Variants in GSDME observed in about 807,000 individuals in gnomAD.
GSDME encodes the protein gasdermin-E.
GSDME carries 44 observed loss-of-function variants against 47.5 expected under a neutral mutation model. That is an observed-to-expected ratio of 0.93 (90% CI 0.73 to 1.19). The LOEUF (loss-of-function observed/expected upper bound fraction) is 1.19. Among genes scored for constraint, GSDME ranks in the 50% most tolerant of loss-of-function variants. The pLI, the probability that GSDME is intolerant of heterozygous loss-of-function variation, is 0.00. For missense variants in GSDME, 663 were observed against 604.2 expected, an observed-to-expected ratio of 1.10 and a Z score of -1.02; for synonymous variants, 258 against 252.8, an observed-to-expected ratio of 1.02 and a Z score of -0.20.
In GSDME at chr7:24,735,613, C is replaced by T. The variant is rs1457994693; in HGVS notation, c.404+8949G>A. On this transcript the variant is annotated intron_variant, in intron 3 of 9. Transcript: ENST00000645220. This position sits in a 1 kb window ranked among gnomAD's most constrained non-coding sequence, Gnocchi z 4.4. ...CTCTACTAAAAATACAAAAAAGTAGCCGGGCGTGGTGGTGGGCGCCTGTAA... is the reference window on the plus strand; with the variant it reads ...CTCTACTAAAAATACAAAAAAGTAGTCGGGCGTGGTGGTGGGCGCCTGTAA... 6.6e-6 allele frequency among the ~76,000 whole-genome samples: 1 copy of T among 151,896 alleles called. No individual in the cohort carries two copies. Among genetic ancestry groups the T allele is most frequent in the Non-Finnish European group, 1.5e-5 (1 of 67,944 alleles).
the GSDME span, among the ~76,000 whole-genome samples, chr7:24,793,711 C>A: frequency 3.3e-5 from 5 of 151,950 alleles, no homozygotes; most frequent in African/African-American, 4.8e-5. Context: ...TTTCTTTAAA[C>A]AACCAGTTAA....
rs374353052 is a variant in GSDME, at chr7:24,699,237, CCAT to C, written c.1277_1279del (p.Asp426del). On this transcript the variant is annotated inframe_deletion, in exon 10 of 10. Transcript: ENST00000645220. Reference sequence around the variant, plus strand: ...GGTTGGGTCTTCAAGATCAGATACTCCATCATCAGACAGAGCACGAAGCTGAAA... The same window carrying C: ...GGTTGGGTCTTCAAGATCAGATACTCCATCAGACAGAGCACGAAGCTGAAA... 476 of 1,613,480 alleles carry C rather than the reference CCAT, an allele frequency of 3.0e-4. 6 individuals carry two copies. The South Asian group carries it at 4.1e-3, about 14-fold the overall frequency.
the GSDME span, among the ~76,000 whole-genome samples, chr7:24,785,677 G>A: frequency 2.6e-5 from 4 of 152,114 alleles, no homozygotes; most frequent in Non-Finnish European, 4.4e-5. Flanking sequence ...GGATGGTCTC[G>A]ATCTCCTGAC....
At chr7:24,720,009 G>C (rs1789715571) in intron 3 of GSDME, among the ~76,000 whole-genome samples, 1 of 152,168 alleles carries the variant, frequency 6.6e-6, no homozygotes, top group African/African-American at 2.4e-5. Context: ...TAGCAAGAAG[G>C]AAATTAGATT....
rs1325571284 is a variant in GSDME, at chr7:24,757,080, T to G, written c.-20+316A>C. Among the ~76,000 whole-genome samples, 15 of 151,580 alleles carry G rather than the reference T, an allele frequency of 9.9e-5. No individual in the cohort carries two copies. Among genetic ancestry groups the G allele is most frequent in the Non-Finnish European group, 5.9e-5 (4 of 67,908 alleles). ...GAAAATACCAGCTGCGCTTCCAACA[T>G]CCAAGGAAGGAAGTGGCAGCGGGGA... On this transcript the variant is annotated intron_variant, in intron 1 of 9. Transcript: ENST00000645220. The surrounding 1 kb of genome is among the most constrained non-coding windows in gnomAD (Gnocchi z 5.9).
At position 24,699,203 on chromosome 7, in the gene GSDME, G is replaced by A. The variant is rs1291280528; in HGVS notation, c.1314C>T (p.Pro438=). ...VSDLEDPTLT[P]LKDTERFGIV... is the part of the protein sequence containing the mutation. ...TCCCAAACCTTTCTGTATCTTTCAGGGGAGTCAAGGTTGGGTCTTCAAGAT... is the reference window on the plus strand; with the variant it reads ...TCCCAAACCTTTCTGTATCTTTCAGAGGAGTCAAGGTTGGGTCTTCAAGAT... Residue 438 remains proline (P), a synonymous_variant, in exon 10 of 10, where the codon CCC becomes CCT. Transcript: ENST00000645220. The A allele has an allele frequency of 2.5e-6, 4 of 1,614,006 alleles. No homozygotes were observed. Among genetic ancestry groups the A allele is most frequent in the Non-Finnish European group, 3.4e-6 (4 of 1,180,028 alleles).
In GSDME at chr7:24,744,984, C is replaced by CGTGTGT. The variant is rs3038357; in HGVS notation, c.212-236_212-231dup. ...GGGCACACAGTGGACCAGTGCAGCA[C>CGTGTGT]GTGTGTGTGTGTGTGTGTGTGTGTG... On this transcript the variant is annotated intron_variant, in intron 2 of 9. Coordinates refer to ENST00000645220, the MANE Select transcript of GSDME (RefSeq NM_001127453.2). This position sits in a 1 kb window ranked among gnomAD's most constrained non-coding sequence, Gnocchi z 4.5. Among the ~76,000 whole-genome samples the CGTGTGT allele has an allele frequency of 2.8e-3, 338 of 119,044 alleles. 2 individuals carry two copies. The highest frequency in any genetic ancestry group is 6.2e-3 in the South Asian group (19 of 3,054). The allele number at this position is 119,044 out of a possible 152,430, so 78.1% of individuals were successfully genotyped here. A position where few individuals can be genotyped will look rare whatever the true frequency, so the allele number is the denominator to read the frequency against.
In GSDME at chr7:24,714,503, C is replaced by T. The variant is rs183490926; in HGVS notation, c.697+2751G>A. ...ATCACCCAGAACGATGACCTGACCACCAAGCCACCATAGGAAGGAGCCACG... is the reference window on the plus strand; with the variant it reads ...ATCACCCAGAACGATGACCTGACCATCAAGCCACCATAGGAAGGAGCCACG... On this transcript the variant is annotated intron_variant, in intron 5 of 9. Transcript: ENST00000645220. This position sits in a 1 kb window ranked among gnomAD's most constrained non-coding sequence, Gnocchi z 5.0. 6.6e-6 allele frequency among the ~76,000 whole-genome samples: 1 copy of T among 152,272 alleles called. No homozygotes were observed.
At chr7:24,738,212 A>G (rs942253785) in intron 3 of GSDME, among the ~76,000 whole-genome samples, 2 of 152,154 alleles carry the variant, frequency 1.3e-5, no homozygotes, top group African/African-American at 4.8e-5. Context: ...ACATGATCTT[A>G]TATTTGGAAA....
chr7:24,707,708 A>G, intron 7 of GSDME: 1 of 395,422 alleles, frequency 2.5e-6, no homozygotes, highest in Non-Finnish European at 4.6e-6. Flanking sequence ...ACAGAGGGGA[A>G]GCCCACATGG....
At chr7:24,784,099 G>A in the GSDME span, among the ~76,000 whole-genome samples, 2 of 152,146 alleles carry the variant, frequency 1.3e-5, no homozygotes, top group Non-Finnish European at 1.5e-5. Flanking sequence ...AAGATTCTAT[G>A]AGCCTAAGAT....
At chr7:24,776,442 C>A in the GSDME span, among the ~76,000 whole-genome samples, 1 of 152,082 alleles carries the variant, frequency 6.6e-6, no homozygotes, top group South Asian at 2.1e-4. Flanking sequence ...AATAAACTCC[C>A]GTGTCCACCA....
intron 3 of GSDME, among the ~76,000 whole-genome samples, chr7:24,740,536 A>G (rs778825711): frequency 1.3e-5 from 2 of 152,124 alleles, no homozygotes; most frequent in Admixed American, 6.5e-5. Context: ...TGGATACCTC[A>G]TTTTACATGA....
chr7:24,778,774 T>G, the GSDME span, among the ~76,000 whole-genome samples: 4 of 152,210 alleles, frequency 2.6e-5, no homozygotes, highest in Admixed American at 2.6e-4. The surrounding 1 kb of genome is among the most constrained non-coding windows in gnomAD (Gnocchi z 5.6). Context: ...GCTCATGACT[T>G]TCTAGTCAGA....
At position 24,757,434 on chromosome 7, in the gene GSDME, C is replaced by G. The variant is rs909382615; in HGVS notation, c.-58G>C. On this transcript the variant is annotated 5_prime_UTR_variant, in exon 1 of 10. Transcript: ENST00000645220. The surrounding 1 kb of genome is among the most constrained non-coding windows in gnomAD (Gnocchi z 5.9). ...GCTGGGTCCCCGGCAGCCGCGCCCC[C>G]TGCGCTGGCGGAGTCGGAGGAGCCT... 6.6e-6 allele frequency: 1 copy of G among 151,938 alleles called. No individual in the cohort carries two copies. The allele number at this position is 151,938 out of a possible 1,614,324, so 9.4% of individuals were successfully genotyped here.
intron 3 of GSDME, among the ~76,000 whole-genome samples, chr7:24,740,713 A>G (rs1243585371): frequency 6.6e-6 from 1 of 152,176 alleles, no homozygotes; most frequent in Non-Finnish European, 1.5e-5. Context: ...CATTTTAATT[A>G]TGAAGATTTA....
the GSDME span, among the ~76,000 whole-genome samples, chr7:24,763,034 A>C: frequency 6.6e-6 from 1 of 152,148 alleles, no homozygotes; most frequent in Non-Finnish European, 1.5e-5. This position sits in a 1 kb window ranked among gnomAD's most constrained non-coding sequence, Gnocchi z 4.3. Flanking sequence ...GATGCATTCC[A>C]ACACTCCCAG....
At chr7:24,763,441 C>T in the GSDME span, among the ~76,000 whole-genome samples, 1 of 151,574 alleles carries the variant, frequency 6.6e-6, no homozygotes, top group African/African-American at 2.4e-5. The surrounding 1 kb of genome is among the most constrained non-coding windows in gnomAD (Gnocchi z 4.3). Context: ...GTCATGACAG[C>T]CAATCTGATA....
intron 3 of GSDME, among the ~76,000 whole-genome samples, chr7:24,722,790 A>G (rs187478804): frequency 3.3e-5 from 5 of 152,276 alleles, no homozygotes; most frequent in African/African-American, 1.2e-4. Context: ...TCAAACACCA[A>G]AAGAGAGGGG....
Sources: allele counts gnomAD v4.1 joint callset (sites outside exome capture counted in the v4.1 genomes callset), GRCh38; gene constraint gnomAD v4.1.1; non-coding constraint Gnocchi (gnomAD v3.1); transcripts MANE v1.5; gene names NCBI Gene and HGNC (gene_info 2026-07-23, HGNC 2026-07-21).